The following ATP8A1 variants were observed in gnomAD, a reference collection of about 807,000 sequenced individuals.
The protein encoded by ATP8A1 is ATPase phospholipid transporting 8A1.
Under a neutral mutation model 177.7 loss-of-function variants are expected in ATP8A1, and 90 were observed. The observed-to-expected ratio is 0.51, with a 90% confidence interval of 0.43 to 0.60. ATP8A1 has a LOEUF of 0.60. Ranked by LOEUF, ATP8A1 falls within the 20% of genes least tolerant of loss-of-function variation. The pLI is 0.00. For missense variants in ATP8A1, 1,072 were observed against 1,392.8 expected (o/e 0.77, Z 3.67); for synonymous variants, 493 against 485.9 (o/e 1.01, Z -0.19).
At chr4:42,507,513 A>G (rs1724496079) in intron 22 of ATP8A1, among the ~76,000 whole-genome samples, 1 of 152,054 alleles carries the variant, frequency 6.6e-6, no homozygotes. Context: ...GGATCACTTA[A>G]GGTCAGGAGC....
intron 15 of ATP8A1, among the ~76,000 whole-genome samples, chr4:42,567,989 A>G (rs1731525303): frequency 6.6e-6 from 1 of 152,258 alleles, no homozygotes; most frequent in Admixed American, 6.5e-5. Flanking sequence ...TTAATGTTAT[A>G]GAAAAGCAGA....
intron 1 of ATP8A1, among the ~76,000 whole-genome samples, chr4:42,628,806 G>T (rs1738397286): frequency 6.6e-6 from 1 of 152,144 alleles, no homozygotes; most frequent in Admixed American, 6.5e-5. Flanking sequence ...CCCGCCTCTG[G>T]ATTAGAGAGA....
At chr4:42,550,769 C>G (rs1344010517) in intron 18 of ATP8A1, among the ~76,000 whole-genome samples, 1 of 152,172 alleles carries the variant, frequency 6.6e-6, no homozygotes, top group Non-Finnish European at 1.5e-5. Context: ...TCCCCAATGA[C>G]TAACAATGTT....
chr4:42,579,351 A>G (rs1043066238), intron 11 of ATP8A1, among the ~76,000 whole-genome samples: 3 of 120,212 alleles, frequency 2.5e-5, no homozygotes, highest in Non-Finnish European at 5.5e-5. Context: ...TAAACAAAGT[A>G]TATTTTATTT....
At chr4:42,640,366 A>T (rs1275988907) in intron 1 of ATP8A1, among the ~76,000 whole-genome samples, 1 of 152,208 alleles carries the variant, frequency 6.6e-6, no homozygotes, top group African/African-American at 2.4e-5. Flanking sequence ...GTTTCCTCTA[A>T]AAAAGGTCCT....
chr4:42,563,882 G>A (rs1334613423), intron 15 of ATP8A1, among the ~76,000 whole-genome samples: 1 of 152,172 alleles, frequency 6.6e-6, no homozygotes, highest in Non-Finnish European at 1.5e-5. Flanking sequence ...ATCACCTGAG[G>A]TCAGGAGTAC....
rs1331112339 is a variant in ATP8A1, at chr4:42,409,316, A to C, written c.*3600T>G. 2.0e-5 allele frequency: 3 copies of C among 152,182 alleles called. No homozygotes were observed. The highest frequency in any genetic ancestry group is 4.4e-5 in the Non-Finnish European group (3 of 68,010). 9.4% of individuals were successfully genotyped at this position (152,182 alleles called of 1,614,324 possible). A position where few individuals can be genotyped will look rare whatever the true frequency, so the allele number is the denominator to read the frequency against. ...TCCTTCAAAATTTAACTTACATTCC[A>C]CTTTAATAGCTGTTGAAGGTTAATT... On this transcript the variant is annotated 3_prime_UTR_variant, in exon 37 of 37. Coordinates refer to ENST00000381668, the MANE Select transcript of ATP8A1 (RefSeq NM_006095.2).
chr4:42,576,267 C>G (rs1436866815), intron 12 of ATP8A1, among the ~76,000 whole-genome samples: 1 of 151,766 alleles, frequency 6.6e-6, no homozygotes, highest in African/African-American at 2.4e-5. Context: ...GTCAGGAAAT[C>G]GAGACCATCC....
chr4:42,603,950 C>A (rs1204680264), intron 5 of ATP8A1, among the ~76,000 whole-genome samples: 1 of 152,200 alleles, frequency 6.6e-6, no homozygotes, highest in Non-Finnish European at 1.5e-5. Context: ...CAGTTGGCTT[C>A]CCTAGGCTCA....
chr4:42,574,916 T>A (rs774429649), intron 13 of ATP8A1, among the ~76,000 whole-genome samples: 55 of 152,220 alleles, frequency 3.6e-4, no homozygotes, highest in Non-Finnish European at 6.8e-4. Context: ...TTAAAGACTA[T>A]CACCATACTA....
chr4:42,580,780 T>C (rs919822952), intron 10 of ATP8A1, among the ~76,000 whole-genome samples: 1 of 152,208 alleles, frequency 6.6e-6, no homozygotes, highest in Non-Finnish European at 1.5e-5. Flanking sequence ...ATCTGACTAT[T>C]GAATATTGAT....
intron 24 of ATP8A1, among the ~76,000 whole-genome samples, chr4:42,502,156 A>G (rs1242352614): frequency 6.6e-6 from 1 of 152,182 alleles, no homozygotes; most frequent in Non-Finnish European, 1.5e-5. Context: ...GCACTGAAAA[A>G]GAATGATAAA....
intron 25 of ATP8A1, among the ~76,000 whole-genome samples, chr4:42,480,562 T>A (rs1721572898): frequency 6.6e-6 from 1 of 152,250 alleles, no homozygotes; most frequent in Non-Finnish European, 1.5e-5. Context: ...TTGTGCTTTA[T>A]GACTACTTTT....
chr4:42,459,624 TTA>T (rs958270650), intron 27 of ATP8A1: 11 of 209,500 alleles, frequency 5.3e-5, no homozygotes, highest in African/African-American at 2.6e-4. Context: ...AACTACACAT[TTA>T]TATAAACAAC....
At chr4:42,507,217 T>C (rs1008462938) in intron 22 of ATP8A1, 63 bp from the exon 23 acceptor site, 10 of 1,524,370 alleles carry the variant, frequency 6.6e-6, no homozygotes, top group African/African-American at 5.5e-5. Context: ...AAACAAAAAA[T>C]TGAAGTGTGT....
intron 1 of ATP8A1, among the ~76,000 whole-genome samples, chr4:42,635,754 TACACAC>T (rs375888383): frequency 0.05 from 4,059 of 81,772 alleles, 370 homozygotes; most frequent in African/African-American, 0.16. Context: ...TACATATATA[TACACAC>T]ACACACACAC....
chr4:42,567,704 GT>G (rs1413350508), intron 15 of ATP8A1, among the ~76,000 whole-genome samples: 1 of 152,150 alleles, frequency 6.6e-6, no homozygotes, highest in Non-Finnish European at 1.5e-5. Flanking sequence ...AGAATATCAA[GT>G]TTTCCAAAAG....
intron 33 of ATP8A1, among the ~76,000 whole-genome samples, chr4:42,440,419 G>C (rs1716497797): frequency 6.7e-6 from 1 of 148,606 alleles, no homozygotes; most frequent in African/African-American, 2.5e-5. Context: ...TATGGCTCTT[G>C]GTTCCCCTTA....
chr4:42,556,061 A>G, intron 15 of ATP8A1, 21 bp from the exon 16 acceptor site: 3 of 1,565,690 alleles, frequency 1.9e-6, no homozygotes, highest in Non-Finnish European at 2.6e-6. Context: ...TAAAAAATAG[A>G]GTAAACCCAG....
Sources: allele counts gnomAD v4.1 joint callset (sites outside exome capture counted in the v4.1 genomes callset), GRCh38; gene constraint gnomAD v4.1.1; transcripts MANE v1.5; gene names NCBI Gene and HGNC (gene_info 2026-07-23, HGNC 2026-07-21).